Variants in PLEKHJ1 observed in about 807,000 individuals in gnomAD.
PLEKHJ1 encodes pleckstrin homology domain-containing family J member 1.
A neutral mutation model predicts 21.7 loss-of-function variants in PLEKHJ1; 20 were observed. That is an observed-to-expected ratio of 0.92 (90% confidence interval 0.65 to 1.34). The LOEUF (loss-of-function observed/expected upper bound fraction) is 1.34. Among genes scored for constraint, PLEKHJ1 ranks in the 40% most tolerant of loss-of-function variants. PLEKHJ1 has a pLI of 0.00. For missense variants in PLEKHJ1, 241 were observed against 202.0 expected (o/e 1.19, Z -1.17); for synonymous variants, 113 against 80.6 (o/e 1.40, Z -2.15).
At chr19:2,235,718 C>G in intron 3 of PLEKHJ1, 44 bp downstream of exon 3, 1 of 1,525,642 alleles carries the variant, frequency 6.6e-7, no homozygotes, top group Non-Finnish European at 8.8e-7. Context: ...CTGCGGGTGC[C>G]CCGGGCTGCG....
intron 3 of PLEKHJ1, chr19:2,235,553 C>G: frequency 1.7e-6 from 1 of 589,950 alleles, no homozygotes; most frequent in Non-Finnish European, 3.0e-6. Context: ...GGGACCCAAG[C>G]TTAAGTGGAC....
downstream of PLEKHJ1, chr19:2,231,077 G>A: frequency 4.3e-6 from 1 of 232,742 alleles, no homozygotes; most frequent in East Asian, 6.1e-5. Context: ...AGGCCGGGGT[G>A]TAGCAGGCAG....
At chr19:2,235,584 T>C (rs1250571432) in intron 3 of PLEKHJ1, 178 bp downstream of exon 3, 2 of 600,324 alleles carry the variant, frequency 3.3e-6, no homozygotes, top group Non-Finnish European at 5.8e-6. Flanking sequence ...GGAAGGGTGG[T>C]GCCCGCCAGG....
At chr19:2,232,100 G>T, downstream of PLEKHJ1, 1 of 218,422 alleles carries the variant, frequency 4.6e-6, no homozygotes, top group Non-Finnish European at 9.2e-6. Flanking sequence ...GGAGCCTGGT[G>T]CTGGCACCTG....
rs368131866 is a variant in PLEKHJ1 at position 2,234,048 on chromosome 19, G to A, written c.334C>T (p.Arg112Trp). Residue 112 changes from arginine (R) to tryptophan (W), a missense_variant, in exon 5 of 6, where the codon CGG (arginine) becomes TGG (tryptophan). By Grantham distance (101) the Arg-to-Trp change is moderately radical (BLOSUM62 -3). Transcript: ENST00000326631. ...TTCCTGTAGAAGATGAGGCTTCTCC[G>A]CATGAACTCGTAGCTGGGGAAAAGG... ...ALRRASYEFM[R>W]RSLIFYRNEI... 2 of 1,613,478 alleles carry A rather than the reference G, an allele frequency of 1.2e-6. No individual in the cohort carries two copies. Among genetic ancestry groups the A allele is most frequent in the Non-Finnish European group, 1.7e-6 (2 of 1,179,996 alleles).
downstream of PLEKHJ1, chr19:2,232,102 T>C (rs2024624845): frequency 1.4e-5 from 3 of 212,546 alleles, no homozygotes; most frequent in Admixed American, 1.2e-4. Flanking sequence ...AGCCTGGTGC[T>C]GGCACCTGGC....
Position 2,235,750 on chromosome 19 carries a change from A to C in PLEKHJ1, c.229+12T>G. The C allele has an allele frequency of 6.5e-7, 1 of 1,547,494 alleles. No homozygotes were observed. On this transcript the variant is annotated intron_variant, in intron 3 of 5. Transcript: ENST00000326631. Reference sequence around the variant, plus strand: ...TGCGGGAAGCGCCGCTGGCTTCCCTAGCCCCACTCACTGATGGAGAAGGTG... The same window carrying C: ...TGCGGGAAGCGCCGCTGGCTTCCCTCGCCCCACTCACTGATGGAGAAGGTG...
At chr19:2,235,631 CTT>C in intron 3 of PLEKHJ1, 129 bp downstream of exon 3, 1 of 750,214 alleles carries the variant, frequency 1.3e-6, no homozygotes, top group East Asian at 2.7e-5. Context: ...ACAATGCACT[CTT>C]GTGTTTGAGG....
At chr19:2,230,117 C>T (rs1309218145), downstream of PLEKHJ1, 2 of 529,714 alleles carry the variant, frequency 3.8e-6, no homozygotes, top group Non-Finnish European at 6.6e-6. Flanking sequence ...AGACACGTGT[C>T]TGCAGGGCGG....
downstream of PLEKHJ1, chr19:2,230,571 C>T (rs1378030826): frequency 5.0e-6 from 2 of 398,566 alleles, no homozygotes; most frequent in Non-Finnish European, 4.4e-6. Flanking sequence ...CGCAGCATGC[C>T]CTGCGATGCG....
intron 5 of PLEKHJ1, 42 bp downstream of exon 5, chr19:2,233,956 C>T (rs1237866763): frequency 6.2e-7 from 1 of 1,611,568 alleles, no homozygotes. Context: ...CTGCCTCTGC[C>T]ACCTGCAGCC....
Position 2,234,167 on chromosome 19 carries a change from C to A in PLEKHJ1, c.303G>T (p.Glu101Asp), listed in dbSNP as rs149434304. Reference sequence around the variant, plus strand: ...GGCCCCACCTGGCCCGACGCAGAGCCTCCATCCACTCCTGACACTGCTCCT... The same window carrying A: ...GGCCCCACCTGGCCCGACGCAGAGCATCCATCCACTCCTGACACTGCTCCT... ...SSEEQCQEWM[E>D]ALRRASYEFM... Residue 101 changes from glutamate (E) to aspartate (D), a missense_variant, in exon 4 of 6, where the codon GAG becomes GAT. By Grantham distance (45) the Glu-to-Asp change is conservative. Transcript: ENST00000326631. 1 of 1,612,654 alleles carries A rather than the reference C, an allele frequency of 6.2e-7. No homozygotes were observed. The highest frequency in any genetic ancestry group is 1.3e-5 in the African/African-American group (1 of 74,930).
downstream of PLEKHJ1, chr19:2,232,185 G>C (rs1243214173): frequency 1.8e-5 from 4 of 224,190 alleles, no homozygotes; most frequent in African/African-American, 9.0e-5. Context: ...CGGCGCCTGG[G>C]AGTGGCTCTT....
downstream of PLEKHJ1, chr19:2,233,023 G>C (rs1410326307): frequency 2.0e-5 from 3 of 152,416 alleles, no homozygotes; most frequent in Non-Finnish European, 4.4e-5. Context: ...ACCTGTCCTG[G>C]CTGGGGGTTC....
rs761444039 is a variant in PLEKHJ1, at chr19:2,233,982, G to A, written c.384+16C>T. The A allele has an allele frequency of 6.2e-7, 1 of 1,612,406 alleles. No individual in the cohort carries two copies. Among genetic ancestry groups the A allele is most frequent in the South Asian group, 1.1e-5 (1 of 91,064 alleles). On this transcript the variant is annotated intron_variant, in intron 5 of 5. Transcript: ENST00000326631. ...ACCTGCAGCCCCACCCCGGCCCTCT[G>A]CAGCCCTGCACACACCTTGCCCGTC...
chr19:2,232,373 A>AC (rs531359756), downstream of PLEKHJ1: 66 of 145,222 alleles, frequency 4.5e-4, no homozygotes, highest in Middle Eastern at 0.013. Context: ...TCGTGGTCAG[A>AC]CCCCCCTCCC....
At chr19:2,232,143 T>C, downstream of PLEKHJ1, 1 of 221,350 alleles carries the variant, frequency 4.5e-6, no homozygotes, top group Non-Finnish European at 9.0e-6. Context: ...GGCGGGGACC[T>C]GTGCTGCTGC....
chr19:2,231,382 C>A, downstream of PLEKHJ1: 1 of 206,480 alleles, frequency 4.8e-6, no homozygotes, highest in Non-Finnish European at 9.9e-6. Flanking sequence ...ACCACGTGGC[C>A]TCCAAAGGGA....
At chr19:2,230,320 G>A (rs2024544696), downstream of PLEKHJ1, 1 of 415,750 alleles carries the variant, frequency 2.4e-6, no homozygotes, top group Non-Finnish European at 4.2e-6. Context: ...TTCCTCGGAG[G>A]CCTCCCCGCG....
Sources: gnomAD v4.1 joint callset for allele counts on GRCh38, gnomAD v4.1.1 for gene constraint, MANE v1.5 for transcripts, NCBI Gene and HGNC (gene_info 2026-07-23, HGNC 2026-07-21) for gene names.